The following TMEM135 variants were observed in gnomAD, a reference collection of about 807,000 sequenced individuals.
TMEM135 encodes the protein transmembrane protein 135, also known as peroxisomal membrane protein 52.
TMEM135 carries 30 observed loss-of-function variants against 60.3 expected under a neutral mutation model. The ratio of observed to expected loss-of-function variants is 0.50; its 90% CI spans 0.37 to 0.68. The LOEUF (loss-of-function observed/expected upper bound fraction) is 0.68. Ranked by LOEUF, TMEM135 falls within the 30% of genes least tolerant of loss-of-function variation. The pLI, the probability that TMEM135 is intolerant of heterozygous loss-of-function variation, is 0.00. For synonymous variants in TMEM135, 190 were observed against 186.7 expected (o/e 1.02, Z -0.14); for missense variants, 468 against 548.8 (o/e 0.85, Z 1.47).
At position 87,321,417 on chromosome 11, in the gene TMEM135, C is replaced by G. The variant is rs767199540; in HGVS notation, c.*84C>G. On this transcript the variant is annotated 3_prime_UTR_variant, in exon 15 of 15. Transcript: ENST00000305494. ...GAACACAAAGGAGGGGGCCCAAGCT[C>G]GAACTTCAGTGTTATTTCAGTTAGA... 1 of 1,444,912 alleles carries G rather than the reference C, an allele frequency of 6.9e-7. No individual in the cohort carries two copies. The highest frequency in any genetic ancestry group is 1.1e-5 in the South Asian group (1 of 87,506). The allele number at this position is 1,444,912 out of a possible 1,614,324, so 89.5% of individuals were successfully genotyped here.
At chr11:87,069,909 C>T (rs909799902) in intron 2 of TMEM135, among the ~76,000 whole-genome samples, 1 of 152,140 alleles carries the variant, frequency 6.6e-6, no homozygotes, top group Admixed American at 6.5e-5. Context: ...CGGTGGCTCA[C>T]ACCTGTTATC....
intron 4 of TMEM135, among the ~76,000 whole-genome samples, chr11:87,117,064 A>T (rs1358112453): frequency 6.6e-6 from 1 of 151,974 alleles, no homozygotes; most frequent in Non-Finnish European, 1.5e-5. Context: ...CTCATGATCC[A>T]CCTGCCTCGG....
At chr11:87,116,082 T>A (rs1342162049) in intron 4 of TMEM135, among the ~76,000 whole-genome samples, 2 of 152,136 alleles carry the variant, frequency 1.3e-5, no homozygotes, top group Admixed American at 6.5e-5. Flanking sequence ...AGAAAATCAG[T>A]TAACATTCAT....
chr11:87,086,483 A>G (rs1857098474), intron 3 of TMEM135, among the ~76,000 whole-genome samples: 1 of 152,152 alleles, frequency 6.6e-6, no homozygotes, highest in South Asian at 2.1e-4. Flanking sequence ...AGGGCAGAGA[A>G]GAATTTTATT....
At chr11:87,218,719 T>C (rs1940555058) in intron 5 of TMEM135, among the ~76,000 whole-genome samples, 1 of 152,150 alleles carries the variant, frequency 6.6e-6, no homozygotes, top group African/African-American at 2.4e-5. Flanking sequence ...CCCAGCACTT[T>C]AGAAGGCCGA....
At chr11:87,102,870 A>G (rs1857495586) in intron 4 of TMEM135, among the ~76,000 whole-genome samples, 1 of 151,870 alleles carries the variant, frequency 6.6e-6, no homozygotes, top group Admixed American at 6.6e-5. Context: ...AACTATGGTC[A>G]CCCTGCTGTG....
At chr11:87,107,804 A>G (rs1222679302) in intron 4 of TMEM135, among the ~76,000 whole-genome samples, 1 of 152,162 alleles carries the variant, frequency 6.6e-6, no homozygotes, top group Non-Finnish European at 1.5e-5. Flanking sequence ...GTCAAATGGT[A>G]TTTCTAGTTC....
intron 14 of TMEM135, among the ~76,000 whole-genome samples, chr11:87,319,985 A>C (rs1942793296): frequency 6.6e-6 from 1 of 152,182 alleles, no homozygotes; most frequent in Non-Finnish European, 1.5e-5. Context: ...ACAATGAAAT[A>C]ATAATGCATA....
Position 87,309,506 on chromosome 11 carries a change from G to T in TMEM135, c.770G>T (p.Gly257Val). ...GGTTTTTCTCCAAATTTCCTCTAGG[G>T]TTTCATCAGAATGTTTAGCGTGGGG... ...EDNCISYCIK[G>V]FIRMFSVGYL... Residue 257 changes from glycine (G) to valine (V), a missense_variant and splice_region_variant, in exon 10 of 15, where the codon GGT becomes GTT. Transcript: ENST00000305494. 6.2e-7 allele frequency: 1 copy of T among 1,613,548 alleles called. No homozygotes were observed. The highest frequency in any genetic ancestry group is 1.1e-5 in the South Asian group (1 of 91,038).
chr11:87,085,341 T>G (rs1233015801), intron 3 of TMEM135, among the ~76,000 whole-genome samples: 2 of 152,230 alleles, frequency 1.3e-5, no homozygotes, highest in Non-Finnish European at 2.9e-5. Flanking sequence ...GGACTTAATC[T>G]AATAGCAATA....
intron 5 of TMEM135, among the ~76,000 whole-genome samples, chr11:87,181,152 G>A (rs1232567208): frequency 6.6e-6 from 1 of 152,130 alleles, no homozygotes; most frequent in Admixed American, 6.6e-5. Context: ...ATAGGAAGTA[G>A]CAATAATCCA....
chr11:87,162,396 A>G (rs1938905375), intron 5 of TMEM135, among the ~76,000 whole-genome samples: 1 of 151,982 alleles, frequency 6.6e-6, no homozygotes, highest in African/African-American at 2.4e-5. Context: ...GACAGGCCCC[A>G]GTGTTTGATG....
At chr11:87,288,154 A>G (rs1039404664) in intron 6 of TMEM135, among the ~76,000 whole-genome samples, 2 of 152,202 alleles carry the variant, frequency 1.3e-5, no homozygotes, top group Admixed American at 6.5e-5. Flanking sequence ...TAACAATGCC[A>G]TATGTAAATA....
intron 1 of TMEM135, among the ~76,000 whole-genome samples, chr11:87,047,394 A>C (rs930776778): frequency 6.6e-6 from 1 of 151,484 alleles, no homozygotes; most frequent in African/African-American, 2.4e-5. Context: ...CTGCATTTCC[A>C]TCTGAGGTAC....
chr11:87,261,273 T>C (rs546671027), intron 6 of TMEM135, among the ~76,000 whole-genome samples: 2 of 152,242 alleles, frequency 1.3e-5, no homozygotes, highest in African/African-American at 2.4e-5. Flanking sequence ...TATTTCCTTA[T>C]GTATATTTTG....
chr11:87,087,911 T>C (rs1857130765), intron 3 of TMEM135, among the ~76,000 whole-genome samples: 1 of 152,102 alleles, frequency 6.6e-6, no homozygotes, highest in Admixed American at 6.6e-5. Context: ...TAATTTTTTG[T>C]ATTTTTAGTA....
At chr11:87,195,026 C>A (rs1939902136) in intron 5 of TMEM135, among the ~76,000 whole-genome samples, 1 of 152,120 alleles carries the variant, frequency 6.6e-6, no homozygotes, top group Non-Finnish European at 1.5e-5. Context: ...CAAAGCATGC[C>A]TTTTATTTAA....
intron 1 of TMEM135, among the ~76,000 whole-genome samples, chr11:87,050,470 T>C (rs1170478592): frequency 8.3e-4 from 58 of 70,050 alleles, no homozygotes; most frequent in African/African-American, 5.6e-3. Context: ...CAATAAAAAA[T>C]GATAAAGGGG....
intron 4 of TMEM135, among the ~76,000 whole-genome samples, chr11:87,110,254 A>G (rs553786858): frequency 6.6e-6 from 1 of 152,192 alleles, no homozygotes; most frequent in Non-Finnish European, 1.5e-5. Flanking sequence ...ACCAAAAAAC[A>G]CAGTAAAGTG....
Sources: allele counts gnomAD v4.1 joint callset (sites outside exome capture counted in the v4.1 genomes callset), GRCh38; gene constraint gnomAD v4.1.1; transcripts MANE v1.5; gene names NCBI Gene and HGNC (gene_info 2026-07-23, HGNC 2026-07-21).